MORN3: variants seen among roughly 807,000 people sequenced by gnomAD.
The protein encoded by MORN3 is MORN repeat-containing protein 3.
A neutral mutation model predicts 34.7 loss-of-function variants in MORN3; 38 were observed. The observed-to-expected ratio is 1.10, with a 90% CI of 0.85 to 1.44. The LOEUF (loss-of-function observed/expected upper bound fraction) is 1.44. Ranked by LOEUF, MORN3 falls within the 40% of genes most tolerant of loss-of-function variation. MORN3 has a pLI of 0.00. For synonymous variants in MORN3, 109 were observed against 115.3 expected, an observed-to-expected ratio of 0.95 and a Z score of 0.35; for missense variants, 311 against 321.7, an observed-to-expected ratio of 0.97 and a Z score of 0.25.
At chr12:121,658,094 T>C (rs1893461656) in intron 2 of MORN3, among the ~76,000 whole-genome samples, 2 of 152,016 alleles carry the variant, frequency 1.3e-5, no homozygotes, top group South Asian at 2.1e-4. Context: ...ACTCTGCTGC[T>C]GGAATGTTCG....
Position 121,669,551 on chromosome 12 carries a change from C to T in MORN3, c.-68G>A. The T allele has an allele frequency of 6.3e-7, 1 of 1,590,214 alleles. No homozygotes were observed. Among genetic ancestry groups the T allele is most frequent in the Non-Finnish European group, 8.6e-7 (1 of 1,165,984 alleles). ...AGGGACATCTGGGGCTCAGCGCGCC[C>T]CGTGTAATGCCGGGATCCTGAGCTC... On this transcript the variant is annotated 5_prime_UTR_variant, in exon 1 of 6. Coordinates refer to ENST00000355329, the MANE Select transcript of MORN3 (RefSeq NM_173855.5).
At chr12:121,653,752 C>T (rs540162554) in intron 3 of MORN3, among the ~76,000 whole-genome samples, 4 of 152,084 alleles carry the variant, frequency 2.6e-5, no homozygotes, top group African/African-American at 9.7e-5. Context: ...ATGATCCGCC[C>T]GCCTCTGCCT....
chr12:121,659,049 C>G (rs1893497546), intron 2 of MORN3, 142 bp downstream of exon 2: 2 of 1,099,294 alleles, frequency 1.8e-6, no homozygotes, highest in Non-Finnish European at 2.5e-6. Context: ...CCTTCTCCCA[C>G]GAGCAGCACA....
At chr12:121,671,268 G>A (rs1416534146), upstream of MORN3, among the ~76,000 whole-genome samples, 3 of 151,264 alleles carry the variant, frequency 2.0e-5, no homozygotes, top group East Asian at 2.0e-4. Context: ...TTAGCCGGGC[G>A]TGGTGGCGGG....
chr12:121,664,346 G>A (rs928667219), intron 1 of MORN3, among the ~76,000 whole-genome samples: 1 of 152,194 alleles, frequency 6.6e-6, no homozygotes, highest in African/African-American at 2.4e-5. Flanking sequence ...TTCAATATCA[G>A]AAGAAGGGCA....
Position 121,648,984 on chromosome 12 carries a change from G to A in MORN3, c.*2667C>T, listed in dbSNP as rs1462685159. The A allele has an allele frequency of 1.3e-5, 2 of 151,206 alleles. No homozygotes were observed. Among genetic ancestry groups the A allele is most frequent in the African/African-American group, 2.4e-5 (1 of 40,984 alleles). The allele number at this position is 151,206 out of a possible 1,614,324, so 9.4% of individuals were successfully genotyped here. A position where few individuals can be genotyped will look rare whatever the true frequency, so the allele number is the denominator to read the frequency against. On this transcript the variant is annotated 3_prime_UTR_variant, in exon 6 of 6. Coordinates refer to ENST00000355329, the MANE Select transcript of MORN3 (RefSeq NM_173855.5). The stretch of plus-strand genomic sequence containing the variant: ...GTCTCGCTCTGTTGCCCAGGCTGGA[G>A]AGCAGCGGCACGATCTCGGCTCGGC...
chr12:121,659,083 C>CGG, intron 2 of MORN3, 108 bp downstream of exon 2: 5 of 1,333,526 alleles, frequency 3.7e-6, no homozygotes, highest in Non-Finnish European at 5.1e-6. Flanking sequence ...CCCTGTAGAC[C>CGG]TCCCCTCTCT....
In MORN3 at chr12:121,651,349, C is replaced by G. The variant is rs1209789012; in HGVS notation, c.*302G>C. 4 of 152,262 alleles carry G rather than the reference C, an allele frequency of 2.6e-5. No homozygotes were observed. Among genetic ancestry groups the G allele is most frequent in the African/African-American group, 7.2e-5 (3 of 41,450 alleles). 9.4% of individuals were successfully genotyped at this position (152,262 alleles called of 1,614,324 possible). On this transcript the variant is annotated 3_prime_UTR_variant, in exon 6 of 6. Coordinates refer to ENST00000355329, the MANE Select transcript of MORN3 (RefSeq NM_173855.5). Reference sequence around the variant, plus strand: ...TCTAAACCTGAAAGCCCTGCTGAGCCCCCTCGAGTGCCCCATCCTTATCCC... The same window carrying G: ...TCTAAACCTGAAAGCCCTGCTGAGCGCCCTCGAGTGCCCCATCCTTATCCC...
chr12:121,651,677 T>A (rs1555325119), intron 5 of MORN3, 33 bp from the exon 6 acceptor site: 2 of 151,784 alleles, frequency 1.3e-5, no homozygotes, highest in African/African-American at 4.9e-5. Flanking sequence ...GGAGCTGGCA[T>A]TTGAAAGACG....
intron 1 of MORN3, among the ~76,000 whole-genome samples, chr12:121,661,841 A>C (rs1893591907): frequency 6.6e-6 from 1 of 151,500 alleles, no homozygotes; most frequent in Non-Finnish European, 1.5e-5. Context: ...GCGCCACTGC[A>C]CTCCAGCTTG....
intron 1 of MORN3, among the ~76,000 whole-genome samples, chr12:121,663,748 T>A (rs1277687541): frequency 6.6e-6 from 1 of 150,706 alleles, no homozygotes; most frequent in African/African-American, 2.5e-5. Context: ...TAGCCTTTAT[T>A]GGTTTTTTTT....
At chr12:121,670,579 C>T (rs192271075), upstream of MORN3, among the ~76,000 whole-genome samples, 244 of 152,102 alleles carry the variant, frequency 1.6e-3, 2 homozygotes, top group African/African-American at 5.7e-3. Context: ...GAGGCCGAGG[C>T]GGGTGGATCA....
intron 1 of MORN3, among the ~76,000 whole-genome samples, chr12:121,666,328 C>A (rs1053610365): frequency 3.3e-5 from 5 of 151,956 alleles, no homozygotes; most frequent in African/African-American, 1.2e-4. Context: ...GCAAGTGAAT[C>A]CCCATCTCTA....
At chr12:121,660,030 T>C (rs528293418) in intron 1 of MORN3, among the ~76,000 whole-genome samples, 3 of 151,438 alleles carry the variant, frequency 2.0e-5, no homozygotes, top group Admixed American at 1.3e-4. Context: ...GGTCAGGAGT[T>C]CGAGACCAGC....
At chr12:121,660,008 T>G (rs920725450) in intron 1 of MORN3, among the ~76,000 whole-genome samples, 1 of 150,586 alleles carries the variant, frequency 6.6e-6, no homozygotes, top group Non-Finnish European at 1.5e-5. Context: ...CTGAGGCGGG[T>G]GGATCACCTG....
chr12:121,670,221 T>G (rs561487367), upstream of MORN3, among the ~76,000 whole-genome samples: 1,740 of 151,958 alleles, frequency 0.011, 14 homozygotes, highest in Non-Finnish European at 0.018. Flanking sequence ...ATTTTGACAA[T>G]CACACCTAGG....
At chr12:121,667,718 CT>C (rs869040121) in intron 1 of MORN3, among the ~76,000 whole-genome samples, 1,773 of 144,666 alleles carry the variant, frequency 0.012, 39 homozygotes, top group African/African-American at 0.042. Context: ...TCCTCCAAGT[CT>C]TTTTTTTTTT....
At position 121,649,280 on chromosome 12, in the gene MORN3, ACT is replaced by A. The variant is rs1413839633; in HGVS notation, c.*2369_*2370del. ...TTCTTTAAAAATGGTAACCCTTTACACTCTTCTGCACATTAAGAACAGCTAGA... is the reference window on the plus strand; with the variant it reads ...TTCTTTAAAAATGGTAACCCTTTACACTTCTGCACATTAAGAACAGCTAGA... On this transcript the variant is annotated 3_prime_UTR_variant, in exon 6 of 6. Coordinates refer to ENST00000355329, the MANE Select transcript of MORN3 (RefSeq NM_173855.5). 1 of 151,948 alleles carries A rather than the reference ACT, an allele frequency of 6.6e-6. No individual in the cohort carries two copies. The highest frequency in any genetic ancestry group is 2.4e-5 in the African/African-American group (1 of 41,346). The allele number at this position is 151,948 out of a possible 1,614,324, so 9.4% of individuals were successfully genotyped here. A position where few individuals can be genotyped will look rare whatever the true frequency, so the allele number is the denominator to read the frequency against.
chr12:121,661,874 A>G (rs1018032342), intron 1 of MORN3, among the ~76,000 whole-genome samples: 5 of 151,370 alleles, frequency 3.3e-5, no homozygotes, highest in Non-Finnish European at 7.4e-5. Context: ...AGACTGTGAA[A>G]GAAAGAAAGA....
Sources: gnomAD v4.1 joint callset for allele counts (sites outside exome capture counted in the v4.1 genomes callset) on GRCh38, gnomAD v4.1.1 for gene constraint, MANE v1.5 for transcripts, NCBI Gene and HGNC (gene_info 2026-07-23, HGNC 2026-07-21) for gene names.